RBFOX1: variants seen among roughly 807,000 people sequenced by gnomAD.
RBFOX1 encodes the protein RNA binding fox-1 homolog 1.
In RBFOX1, 8 loss-of-function variants were observed where a neutral mutation model predicts 57.7. The ratio of observed to expected loss-of-function variants is 0.14; its 90% CI spans 0.08 to 0.25. The LOEUF (loss-of-function observed/expected upper bound fraction) is 0.25, where lower values mean the gene tolerates loss of function less well. Ranked by LOEUF, RBFOX1 falls within the 10% of genes least tolerant of loss-of-function variation. The pLI is 1.00. For missense variants in RBFOX1, 611 were observed against 548.5 expected (o/e 1.11, Z -1.14); for synonymous variants, 326 against 222.4 (o/e 1.47, Z -4.15).
chr16:5,369,093 C>G (rs2065797088), intron 1 of RBFOX1, among the ~76,000 whole-genome samples: 1 of 152,170 alleles, frequency 6.6e-6, no homozygotes, highest in African/African-American at 2.4e-5. Context: ...CTTCTGTCCC[C>G]TGGGTTCAAG....
intron 1 of RBFOX1, among the ~76,000 whole-genome samples, chr16:5,465,785 G>C (rs1266175209): frequency 6.6e-6 from 1 of 152,226 alleles, no homozygotes; most frequent in African/African-American, 2.4e-5. Flanking sequence ...ACCCTATGAA[G>C]TAGGCTGAGG....
intron 3 of RBFOX1, among the ~76,000 whole-genome samples, chr16:6,665,755 T>C (rs1347225520): frequency 1.3e-5 from 2 of 150,402 alleles, no homozygotes; most frequent in Admixed American, 6.7e-5. Context: ...CTACATGCCA[T>C]AGACCATTTT....
At chr16:6,923,953 T>G (rs907165095) in intron 3 of RBFOX1, among the ~76,000 whole-genome samples, 4 of 152,028 alleles carry the variant, frequency 2.6e-5, no homozygotes, top group African/African-American at 9.7e-5. Flanking sequence ...GCAGATCACC[T>G]GAAGTTAGGA....
chr16:6,807,608 G>A (rs548846129), intron 3 of RBFOX1, among the ~76,000 whole-genome samples: 17 of 152,178 alleles, frequency 1.1e-4, no homozygotes, highest in Non-Finnish European at 2.2e-4. Flanking sequence ...ACAAGGTCAC[G>A]AGATTGAGAC....
At chr16:6,118,780 C>A (rs371039351) in intron 1 of RBFOX1, among the ~76,000 whole-genome samples, 1 of 147,586 alleles carries the variant, frequency 6.8e-6, no homozygotes, top group Non-Finnish European at 1.5e-5. Context: ...TCTCTTTCTC[C>A]CTCTCTTTCT....
chr16:6,850,008 A>G (rs2141925304), intron 3 of RBFOX1, among the ~76,000 whole-genome samples: 1 of 152,342 alleles, frequency 6.6e-6, no homozygotes, highest in African/African-American at 2.4e-5. Context: ...CAAAAGTGAC[A>G]AGTGACATCT....
chr16:5,665,226 C>T (rs1186600672), intron 3 of RBFOX1, among the ~76,000 whole-genome samples: 2 of 151,762 alleles, frequency 1.3e-5, no homozygotes, highest in Non-Finnish European at 2.9e-5. Flanking sequence ...TCTGGGACTA[C>T]AGGCAGGAGC....
At chr16:7,560,887 A>G (rs1332410894) in intron 5 of RBFOX1, among the ~76,000 whole-genome samples, 1 of 152,206 alleles carries the variant, frequency 6.6e-6, no homozygotes, top group Non-Finnish European at 1.5e-5. Flanking sequence ...TTCTGGATGA[A>G]TAAGACTTTT....
chr16:7,189,575 A>T lies in RBFOX1; in HGVS notation c.27+137477A>T, dbSNP rs538292015. Among the ~76,000 whole-genome samples the T allele has an allele frequency of 5.3e-5, 8 of 150,722 alleles. 1 individual carries two copies. Among genetic ancestry groups the T allele is most frequent in the South Asian group, 2.1e-4 (1 of 4,784 alleles). On this transcript the variant is annotated intron_variant, in intron 4 of 15. Coordinates refer to ENST00000550418, the MANE Select transcript of RBFOX1 (RefSeq NM_018723.4). Reference sequence around the variant, plus strand: ...CCAAAACACACACACACACACACACACACACACACACATACACACACAAAA... The same window carrying T: ...CCAAAACACACACACACACACACACTCACACACACACATACACACACAAAA...
At chr16:6,277,729 G>A (rs915252079) in intron 1 of RBFOX1, among the ~76,000 whole-genome samples, 1 of 151,212 alleles carries the variant, frequency 6.6e-6, no homozygotes, top group African/African-American at 2.4e-5. Context: ...GATCCCGACC[G>A]CTGTATATAA....
At chr16:7,239,081 T>G (rs1338180677) in intron 4 of RBFOX1, among the ~76,000 whole-genome samples, 1 of 152,218 alleles carries the variant, frequency 6.6e-6, no homozygotes, top group East Asian at 1.9e-4. Context: ...CTTGCTATTG[T>G]GAATAGTGCT....
At chr16:7,480,560 GC>G (rs1357512028) in intron 4 of RBFOX1, among the ~76,000 whole-genome samples, 1 of 152,200 alleles carries the variant, frequency 6.6e-6, no homozygotes, top group African/African-American at 2.4e-5. Context: ...AAAGCTGCAA[GC>G]CCTGTCTCCA....
At chr16:5,553,348 C>G (rs1026159921) in intron 2 of RBFOX1, among the ~76,000 whole-genome samples, 1 of 150,080 alleles carries the variant, frequency 6.7e-6, no homozygotes, top group African/African-American at 2.5e-5. Context: ...TGGAGTCTCA[C>G]TCTTTTACCC....
chr16:6,169,814 G>T (rs1241076908), intron 1 of RBFOX1, among the ~76,000 whole-genome samples: 1 of 149,314 alleles, frequency 6.7e-6, no homozygotes, highest in East Asian at 2.0e-4. Context: ...ACCCAGGCTG[G>T]AGTGCAGTGG....
At chr16:5,283,864 G>C (rs2063330331) in intron 1 of RBFOX1, among the ~76,000 whole-genome samples, 1 of 152,138 alleles carries the variant, frequency 6.6e-6, no homozygotes, top group South Asian at 2.1e-4. Context: ...AAGACTTTGG[G>C]GGACTGTTGG....
chr16:7,473,651 A>T (rs1353613907), intron 4 of RBFOX1, among the ~76,000 whole-genome samples: 2 of 151,942 alleles, frequency 1.3e-5, no homozygotes, highest in East Asian at 3.9e-4. Flanking sequence ...GTTGTGCTTT[A>T]TATGGCTAAA....
At chr16:5,403,534 T>G (rs1434845291) in intron 1 of RBFOX1, among the ~76,000 whole-genome samples, 1 of 152,086 alleles carries the variant, frequency 6.6e-6, no homozygotes, top group Non-Finnish European at 1.5e-5. Context: ...ACCTCCTCTT[T>G]CTGGGGTTTA....
At chr16:6,004,504 A>G (rs1165403842) in intron 4 of RBFOX1, among the ~76,000 whole-genome samples, 9 of 152,370 alleles carry the variant, frequency 5.9e-5, no homozygotes, top group Non-Finnish European at 1.0e-4. Flanking sequence ...TTGGCATATC[A>G]GAGACTTTTA....
At chr16:5,800,565 G>T (rs190900612) in intron 3 of RBFOX1, among the ~76,000 whole-genome samples, 1 of 152,168 alleles carries the variant, frequency 6.6e-6, no homozygotes, top group Non-Finnish European at 1.5e-5. Context: ...GATGACCAAG[G>T]ATGTGTGGAA....
Sources: gnomAD v4.1 joint callset for allele counts (sites outside exome capture counted in the v4.1 genomes callset) on GRCh38, gnomAD v4.1.1 for gene constraint, MANE v1.5 for transcripts, NCBI Gene and HGNC (gene_info 2026-07-23, HGNC 2026-07-21) for gene names.